The following TFDP2 variants were observed in gnomAD, a reference collection of about 807,000 sequenced individuals.
TFDP2 encodes the protein transcription factor Dp-2.
In TFDP2, 17 loss-of-function variants were observed where a neutral mutation model predicts 59.3. The ratio of observed to expected loss-of-function variants is 0.29; its 90% confidence interval spans 0.20 to 0.43. TFDP2 has a LOEUF of 0.43. TFDP2 is among the 20% of genes least tolerant of loss of function. The pLI, the probability that TFDP2 is intolerant of heterozygous loss-of-function variation, is 1.00. For synonymous variants in TFDP2, 180 were observed against 194.7 expected, an observed-to-expected ratio of 0.92 and a Z score of 0.63; for missense variants, 391 against 528.8, an observed-to-expected ratio of 0.74 and a Z score of 2.56.
chr3:142,134,222 G>A (rs1321968851), intron 1 of TFDP2, among the ~76,000 whole-genome samples: 1 of 151,516 alleles, frequency 6.6e-6, no homozygotes, highest in Non-Finnish European at 1.5e-5. Flanking sequence ...GGTGGCACAT[G>A]CCTGTAATCC....
At chr3:142,013,931 A>AT (rs1165370856) in intron 3 of TFDP2, among the ~76,000 whole-genome samples, 4 of 151,616 alleles carry the variant, frequency 2.6e-5, no homozygotes, top group Non-Finnish European at 5.9e-5. Context: ...TCTGAAAAAA[A>AT]TTTTTTTTTG....
chr3:142,068,913 T>C (rs1324920105), intron 3 of TFDP2, among the ~76,000 whole-genome samples: 1 of 152,026 alleles, frequency 6.6e-6, no homozygotes, highest in Admixed American at 6.6e-5. Context: ...GTTTTGCACT[T>C]TTCTTTCCTT....
chr3:142,051,916 A>T (rs1254649034), intron 3 of TFDP2, among the ~76,000 whole-genome samples: 5 of 152,056 alleles, frequency 3.3e-5, no homozygotes, highest in Non-Finnish European at 7.4e-5. Context: ...GCTTGAGCCC[A>T]AGAGTTCGAG....
intron 1 of TFDP2, among the ~76,000 whole-genome samples, chr3:142,145,173 C>T (rs2063123594): frequency 6.6e-6 from 1 of 152,066 alleles, no homozygotes; most frequent in African/African-American, 2.4e-5. Context: ...TCAATATGAA[C>T]ATGAAGATAA....
At chr3:142,128,035 A>C (rs1560173418) in intron 1 of TFDP2, among the ~76,000 whole-genome samples, 2 of 152,116 alleles carry the variant, frequency 1.3e-5, no homozygotes, top group African/African-American at 4.8e-5. Flanking sequence ...TCATCTTAAC[A>C]AAAAGATTTT....
intron 8 of TFDP2, among the ~76,000 whole-genome samples, chr3:141,971,873 C>T (rs538598032): frequency 6.6e-6 from 1 of 152,342 alleles, no homozygotes; most frequent in East Asian, 1.9e-4. Context: ...GAAGAATGTT[C>T]AACCTCTTCT....
intron 3 of TFDP2, among the ~76,000 whole-genome samples, chr3:142,019,086 C>T (rs552507464): frequency 1.9e-4 from 28 of 146,080 alleles, no homozygotes; most frequent in African/African-American, 5.2e-4. Flanking sequence ...TTTGGTGAGA[C>T]GGAGATTTAC....
chr3:141,980,688 C>T (rs1191708612), intron 6 of TFDP2, among the ~76,000 whole-genome samples: 1 of 151,904 alleles, frequency 6.6e-6, no homozygotes, highest in East Asian at 1.9e-4. Flanking sequence ...GGCGCCTACC[C>T]CCATGACTGG....
intron 6 of TFDP2, among the ~76,000 whole-genome samples, chr3:141,980,753 C>G (rs1351887778): frequency 6.6e-6 from 1 of 152,084 alleles, no homozygotes; most frequent in Non-Finnish European, 1.5e-5. Context: ...TCAGGCTGGT[C>G]TCGAACTCCT....
At chr3:141,958,798 CAGGTTT>C (rs1937003868) in intron 11 of TFDP2, among the ~76,000 whole-genome samples, 1 of 152,100 alleles carries the variant, frequency 6.6e-6, no homozygotes, top group East Asian at 1.9e-4. Flanking sequence ...AATGTGAATC[CAGGTTT>C]ACCCCGTTCT....
intron 1 of TFDP2, among the ~76,000 whole-genome samples, chr3:142,125,448 T>A (rs1458255712): frequency 6.6e-6 from 1 of 152,106 alleles, no homozygotes; most frequent in South Asian, 2.1e-4. Context: ...AATTTATACA[T>A]CCTTCTATGA....
intron 3 of TFDP2, among the ~76,000 whole-genome samples, chr3:142,034,535 AC>A (rs1300511964): frequency 6.6e-6 from 1 of 152,222 alleles, no homozygotes; most frequent in Non-Finnish European, 1.5e-5. Context: ...AAACAAAAAA[AC>A]AAAAACCCAA....
intron 3 of TFDP2, among the ~76,000 whole-genome samples, chr3:142,078,525 G>A (rs1056795708): frequency 6.6e-6 from 1 of 152,186 alleles, no homozygotes; most frequent in South Asian, 2.1e-4. Flanking sequence ...TCTTATCCAA[G>A]ACTACCAAGG....
At chr3:142,009,254 G>A (rs1944450588) in intron 3 of TFDP2, among the ~76,000 whole-genome samples, 1 of 152,174 alleles carries the variant, frequency 6.6e-6, no homozygotes, top group Non-Finnish European at 1.5e-5. Flanking sequence ...CTGCAATACA[G>A]TTTAATTACA....
intron 3 of TFDP2, among the ~76,000 whole-genome samples, chr3:142,024,670 A>C (rs1334487871): frequency 6.6e-6 from 1 of 152,216 alleles, no homozygotes; most frequent in South Asian, 2.1e-4. Context: ...AAGAGTTCAT[A>C]CATAAAGCAA....
intron 4 of TFDP2, among the ~76,000 whole-genome samples, chr3:142,001,123 C>A (rs1206456451): frequency 6.6e-6 from 1 of 152,220 alleles, no homozygotes; most frequent in Non-Finnish European, 1.5e-5. Context: ...GTGGCCTCAC[C>A]TCTGTAGCAA....
chr3:142,044,953 T>C lies in TFDP2; in HGVS notation c.83-39409A>G, dbSNP rs566682317. ...TCAATATATATTTAGTTATTATTATTATAATTGCTGACATCTCAGTTGGTT... is the reference window on the plus strand; with the variant it reads ...TCAATATATATTTAGTTATTATTATCATAATTGCTGACATCTCAGTTGGTT... On this transcript the variant is annotated intron_variant, in intron 3 of 12. Transcript: ENST00000489671. Among the ~76,000 whole-genome samples, 52 of 152,286 alleles carry C rather than the reference T, an allele frequency of 3.4e-4. No homozygotes were observed. In the South Asian group the frequency reaches 0.011, roughly 32 times the overall value.
chr3:141,948,642 C>A lies in TFDP2; in HGVS notation c.*3871G>T, dbSNP rs939782970. 6.6e-5 allele frequency: 10 copies of A among 152,040 alleles called. No homozygotes were observed. The highest frequency in any genetic ancestry group is 2.4e-4 in the African/African-American group (10 of 41,464). 9.4% of individuals were successfully genotyped at this position (152,040 alleles called of 1,614,324 possible). ...GTAGTTCTCATTCTCTGCTAATCCA[C>A]ACTCCCTCCAACATACACACTGTGT... On this transcript the variant is annotated 3_prime_UTR_variant, in exon 13 of 13. Coordinates refer to ENST00000489671, the MANE Select transcript of TFDP2 (RefSeq NM_001178139.2).
intron 1 of TFDP2, among the ~76,000 whole-genome samples, chr3:142,135,514 T>C (rs2108738976): frequency 6.6e-6 from 1 of 152,162 alleles, no homozygotes; most frequent in East Asian, 1.9e-4. Flanking sequence ...CATCAACTCG[T>C]CATTTACATT....
Sources: gnomAD v4.1 joint callset for allele counts (sites outside exome capture counted in the v4.1 genomes callset) on GRCh38, gnomAD v4.1.1 for gene constraint, MANE v1.5 for transcripts, NCBI Gene and HGNC (gene_info 2026-07-23, HGNC 2026-07-21) for gene names.